ZFPM2: variants seen among roughly 807,000 people sequenced by gnomAD.
The protein encoded by ZFPM2 is zinc finger protein ZFPM2.
In ZFPM2, 20 loss-of-function variants were observed where a neutral mutation model predicts 98.6. That is an observed-to-expected ratio of 0.20 (90% CI 0.14 to 0.29). The LOEUF (loss-of-function observed/expected upper bound fraction) is 0.29, where lower values mean the gene tolerates loss of function less well. ZFPM2 is among the 10% of genes least tolerant of loss of function. The pLI is 1.00. For synonymous variants in ZFPM2, 518 were observed against 502.7 expected (o/e 1.03, Z -0.41); for missense variants, 1,310 against 1,388.6 (o/e 0.94, Z 0.90).
chr8:105,516,817 G>A (rs12675041), intron 3 of ZFPM2, among the ~76,000 whole-genome samples: 69,572 of 151,988 alleles, frequency 0.46, 18,874 homozygotes, highest in African/African-American at 0.77. Flanking sequence ...CCAGAGTATT[G>A]TCTATAATTT....
At chr8:105,406,737 G>C (rs1642514411) in intron 1 of ZFPM2, among the ~76,000 whole-genome samples, 1 of 151,992 alleles carries the variant, frequency 6.6e-6, no homozygotes, top group Non-Finnish European at 1.5e-5. Flanking sequence ...AGTGGCGCTT[G>C]AAAGGCTACA....
intron 2 of ZFPM2, among the ~76,000 whole-genome samples, chr8:105,434,024 T>A (rs1162560536): frequency 6.6e-6 from 1 of 152,198 alleles, no homozygotes; most frequent in Non-Finnish European, 1.5e-5. Context: ...AGAAGTCACA[T>A]GCATTTTTAA....
chr8:105,633,081 C>G (rs1203375684), intron 4 of ZFPM2, among the ~76,000 whole-genome samples: 1 of 152,136 alleles, frequency 6.6e-6, no homozygotes, highest in African/African-American at 2.4e-5. Flanking sequence ...TATGTGCTAT[C>G]ATTGTTGTCA....
intron 3 of ZFPM2, among the ~76,000 whole-genome samples, chr8:105,515,717 C>G (rs1215261187): frequency 1.3e-5 from 2 of 151,498 alleles, no homozygotes; most frequent in African/African-American, 2.4e-5. Flanking sequence ...TCTCCAGGCT[C>G]TGCCCTACTT....
chr8:105,718,255 G>A (rs1811571177), intron 5 of ZFPM2, among the ~76,000 whole-genome samples: 1 of 151,842 alleles, frequency 6.6e-6, no homozygotes, highest in African/African-American at 2.4e-5. Flanking sequence ...ATGATTCTGG[G>A]TGTGGTGGCT....
intron 3 of ZFPM2, among the ~76,000 whole-genome samples, chr8:105,499,366 C>T (rs575269822): frequency 1.3e-5 from 2 of 150,532 alleles, no homozygotes; most frequent in South Asian, 4.2e-4. Flanking sequence ...ACAAAACAAA[C>T]AAACAAAAGA....
chr8:105,551,778 C>T (rs1814858804), intron 3 of ZFPM2, among the ~76,000 whole-genome samples: 1 of 152,138 alleles, frequency 6.6e-6, no homozygotes, highest in Admixed American at 6.6e-5. Context: ...ACAATATTTA[C>T]CTGTCAAAGC....
chr8:105,471,091 C>A (rs772330662), intron 3 of ZFPM2, among the ~76,000 whole-genome samples: 73 of 152,172 alleles, frequency 4.8e-4, no homozygotes, highest in Non-Finnish European at 8.8e-4. Context: ...TTTAACTTTT[C>A]TCACTCTGAC....
chr8:105,398,487 T>C (rs1811268699), intron 1 of ZFPM2, among the ~76,000 whole-genome samples: 2 of 152,202 alleles, frequency 1.3e-5, no homozygotes, highest in African/African-American at 4.8e-5. Flanking sequence ...CCCAACCTTT[T>C]TGGCACAGGG....
intron 4 of ZFPM2, among the ~76,000 whole-genome samples, chr8:105,617,628 GTGGTGAGGCTGTGTTA>G (rs1168099974): frequency 1.3e-5 from 2 of 152,224 alleles, no homozygotes; most frequent in East Asian, 1.9e-4. Flanking sequence ...AGGCTGTATT[GTGGTGAGGCTGTGTTA>G]TGGTGAGGCT....
chr8:105,378,913 T>C (rs1444786045), intron 1 of ZFPM2, among the ~76,000 whole-genome samples: 1 of 152,148 alleles, frequency 6.6e-6, no homozygotes, highest in Non-Finnish European at 1.5e-5. Flanking sequence ...AGTCAATCAA[T>C]AGATAGATGA....
intron 5 of ZFPM2, among the ~76,000 whole-genome samples, chr8:105,642,072 CA>C (rs1206597983): frequency 5.3e-5 from 8 of 152,034 alleles, no homozygotes; most frequent in African/African-American, 1.7e-4. Context: ...GCTTGTCATT[CA>C]AAGAGATGCT....
chr8:105,732,092 A>C (rs1008236340), intron 5 of ZFPM2, among the ~76,000 whole-genome samples: 1 of 151,788 alleles, frequency 6.6e-6, no homozygotes, highest in Non-Finnish European at 1.5e-5. Flanking sequence ...AATCCCCACT[A>C]TACAGTGTAA....
chr8:105,703,439 AG>A (rs1229216403), intron 5 of ZFPM2, among the ~76,000 whole-genome samples: 3 of 152,218 alleles, frequency 2.0e-5, no homozygotes, highest in Admixed American at 2.0e-4. Flanking sequence ...AATTCAGTAA[AG>A]GAAATTTGCT....
chr8:105,801,153 T>C lies in ZFPM2; in HGVS notation c.1071T>C (p.His357=), dbSNP rs1438808914. ...VINFHQHLFS[H]LTQAAFRCNH... ...ACTTTCACCAACACCTGTTCTCCCA[T>C]CTCACTCAAGCTGCCTTCCGATGTA... Residue 357 remains histidine (H), a synonymous_variant, in exon 8 of 8, where the codon CAT becomes CAC. Coordinates refer to ENST00000407775, the MANE Select transcript of ZFPM2 (RefSeq NM_012082.4). The C allele has an allele frequency of 1.4e-5, 23 of 1,613,798 alleles. No homozygotes were observed. The highest frequency in any genetic ancestry group is 1.9e-5 in the Non-Finnish European group (23 of 1,179,872).
chr8:105,471,003 G>A (rs1812892544), intron 3 of ZFPM2, among the ~76,000 whole-genome samples: 1 of 152,108 alleles, frequency 6.6e-6, no homozygotes, highest in African/African-American at 2.4e-5. Flanking sequence ...CATGAGGTAT[G>A]GCTCTTGTTT....
chr8:105,341,653 T>C (rs1019340192), intron 1 of ZFPM2, among the ~76,000 whole-genome samples: 6 of 152,024 alleles, frequency 3.9e-5, no homozygotes, highest in African/African-American at 1.2e-4. Context: ...AAGTGATAAG[T>C]ACTGGCAATT....
In ZFPM2 at chr8:105,391,622, T is replaced by C. The variant is rs535632127; in HGVS notation, c.41-27522T>C. On this transcript the variant is annotated intron_variant, in intron 1 of 7. Transcript: ENST00000407775. ...TCTAAATCCTTTATCATTTCAACAA[T>C]TCACAACATGTGTACCAGAAGTAGA... 7.2e-4 allele frequency among the ~76,000 whole-genome samples: 109 copies of C among 152,346 alleles called. 3 individuals are homozygous for C. In the South Asian group the frequency reaches 0.023, roughly 32 times the overall value.
chr8:105,423,115 C>T (rs1314602380), intron 2 of ZFPM2, among the ~76,000 whole-genome samples: 1 of 152,020 alleles, frequency 6.6e-6, no homozygotes, highest in Non-Finnish European at 1.5e-5. Flanking sequence ...TATTATAAAC[C>T]ATGTGATTAA....
Sources: allele counts gnomAD v4.1 joint callset (sites outside exome capture counted in the v4.1 genomes callset), GRCh38; gene constraint gnomAD v4.1.1; transcripts MANE v1.5; gene names NCBI Gene and HGNC (gene_info 2026-07-23, HGNC 2026-07-21).